Variants in NCOR2 observed in about 807,000 individuals in gnomAD.
The protein encoded by NCOR2 is CTG repeat protein 26.
In NCOR2, 81 loss-of-function variants were observed where a neutral mutation model predicts 262.9. The observed-to-expected ratio is 0.31, with a 90% CI of 0.26 to 0.37. The LOEUF (loss-of-function observed/expected upper bound fraction) is 0.37, where lower values mean the gene tolerates loss of function less well. Ranked by LOEUF, NCOR2 falls within the 10% of genes least tolerant of loss-of-function variation. The pLI, the probability that NCOR2 is intolerant of heterozygous loss-of-function variation, is 1.00. For synonymous variants in NCOR2, 1,659 were observed against 1,559.3 expected, an observed-to-expected ratio of 1.06 and a Z score of -1.51; for missense variants, 3,385 against 3,621.4, an observed-to-expected ratio of 0.93 and a Z score of 1.68.
chr12:124,543,871 C>G (rs983681347), intron 1 of NCOR2, among the ~76,000 whole-genome samples: 1 of 152,228 alleles, frequency 6.6e-6, no homozygotes, highest in African/African-American at 2.4e-5. Context: ...TCACAGGCAC[C>G]GACAGCCCCT....
At chr12:124,424,979 G>C (rs368409030) in intron 11 of NCOR2, among the ~76,000 whole-genome samples, 1 of 152,194 alleles carries the variant, frequency 6.6e-6, no homozygotes, top group East Asian at 1.9e-4. Context: ...AGCCCTCTAC[G>C]TGCAAGTGAT....
intron 14 of NCOR2, among the ~76,000 whole-genome samples, 161 bp downstream of exon 16, chr12:124,402,243 G>A (rs534512830): frequency 3.9e-5 from 6 of 152,204 alleles, no homozygotes; most frequent in South Asian, 4.1e-4. Context: ...GTGGGCTTCC[G>A]GAAGGGGGGC....
At position 124,467,051 on chromosome 12, in the gene NCOR2, G is replaced by C. The variant is rs569675334; in HGVS notation, c.592-765C>G. On this transcript the variant is annotated intron_variant, in intron 4 of 46. Coordinates refer to ENST00000405201, the Ensembl canonical transcript of NCOR2. ...TCATCCTCATCCTCACTACCCCCAT[G>C]ATCCTCATCCTCATCACCCCCATCA... Among the ~76,000 whole-genome samples, 493 of 52,112 alleles carry C rather than the reference G, an allele frequency of 9.5e-3. 1 individual carries two copies. Among genetic ancestry groups the C allele is most frequent in the African/African-American group, 0.025 (326 of 12,946 alleles). The allele number at this position is 52,112 out of a possible 152,430, so 34.2% of individuals were successfully genotyped here. A position where few individuals can be genotyped will look rare whatever the true frequency, so the allele number is the denominator to read the frequency against.
exon 47 of NCOR2, chr12:124,325,382 C>G (rs916021882): frequency 7.3e-6 from 3 of 412,978 alleles, no homozygotes; most frequent in African/African-American, 2.8e-5. Context: ...ACACCGCCCC[C>G]CCCCCCGCCC....
chr12:124,498,061 C>T (rs1309917535), upstream of NCOR2, among the ~76,000 whole-genome samples: 2 of 152,154 alleles, frequency 1.3e-5, no homozygotes, highest in Non-Finnish European at 2.9e-5. Flanking sequence ...TAAACAGTTC[C>T]CGGTCTCTCG....
intron 7 of NCOR2, among the ~76,000 whole-genome samples, chr12:124,444,301 C>T (rs1387645758): frequency 2.0e-5 from 3 of 152,092 alleles, no homozygotes; most frequent in Non-Finnish European, 4.4e-5. Context: ...TCATGGGGTG[C>T]AAAGAAGTCA....
Position 124,378,468 on chromosome 12 carries a change from GT to G in NCOR2, c.2020-85del, listed in dbSNP as rs1190615105. 13 of 1,388,298 alleles carry G rather than the reference GT, an allele frequency of 9.4e-6. No individual in the cohort carries two copies. Among genetic ancestry groups the G allele is most frequent in the Middle Eastern group, 2.4e-4 (1 of 4,158 alleles). 86.0% of individuals were successfully genotyped at this position (1,388,298 alleles called of 1,614,324 possible). ...CCCCATGCCTGGGGCCTCGCCGCAG[GT>G]GCAAAGGGCAGTGATCCCGGCCATG... On this transcript the variant is annotated intron_variant, in intron 17 of 46. Coordinates refer to ENST00000405201, the Ensembl canonical transcript of NCOR2. This position sits in a 1 kb window ranked among gnomAD's most constrained non-coding sequence, Gnocchi z 4.2.
In NCOR2 at chr12:124,519,814, G is replaced by A. The variant is rs936384043; in HGVS notation, c.-118+15751C>T. On this transcript the variant is annotated intron_variant, in intron 1 of 46. Coordinates refer to the NCOR2 transcript ENST00000404621. ...GTTCACCAGCTGGCCTCACACCACC[G>A]CGGCATAGGCAGGTATGCCCCTGAG... is the stretch of plus-strand genomic sequence containing the variant. Among the ~76,000 whole-genome samples the A allele has an allele frequency of 4.6e-5, 7 of 152,142 alleles. No homozygotes were observed. The South Asian group carries it at 1.2e-3, about 27-fold the overall frequency.
At chr12:124,536,841 G>A (rs186074755), upstream of NCOR2, among the ~76,000 whole-genome samples, 38 of 152,252 alleles carry the variant, frequency 2.5e-4, no homozygotes, top group East Asian at 9.7e-4. Flanking sequence ...ACACAGACTC[G>A]CGCACAAATG....
intron 16 of NCOR2, among the ~76,000 whole-genome samples, chr12:124,390,463 C>G (rs559041649): frequency 6.0e-5 from 9 of 149,914 alleles, no homozygotes; most frequent in Admixed American, 1.3e-4. Context: ...CTTCCTTGCC[C>G]GCCCCTCCAA....
At chr12:124,411,787 A>G (rs2136245103) in intron 13 of NCOR2, among the ~76,000 whole-genome samples, 1 of 152,338 alleles carries the variant, frequency 6.6e-6, no homozygotes, top group South Asian at 2.1e-4. Flanking sequence ...CTCGGAGCCC[A>G]AGAGAGGATG....
intron 13 of NCOR2, among the ~76,000 whole-genome samples, chr12:124,411,559 G>A (rs1441345770): frequency 6.6e-6 from 1 of 152,216 alleles, no homozygotes; most frequent in Non-Finnish European, 1.5e-5. Flanking sequence ...GCTACCAGGG[G>A]CCGGGCCCTG....
chr12:124,417,259 G>GAC (rs2042956102), intron 13 of NCOR2, among the ~76,000 whole-genome samples: 9 of 151,062 alleles, frequency 6.0e-5, no homozygotes, highest in East Asian at 2.0e-4. Flanking sequence ...TCACTCCACG[G>GAC]AGAGCAGGCC....
chr12:124,423,756 CTGT>C (rs1451739805), intron 11 of NCOR2, among the ~76,000 whole-genome samples: 1 of 152,240 alleles, frequency 6.6e-6, no homozygotes, highest in Non-Finnish European at 1.5e-5. Context: ...CCTAGGTCCC[CTGT>C]TCCCCTCCCT....
chr12:124,391,269 C>T (rs1034024137), intron 16 of NCOR2, among the ~76,000 whole-genome samples: 6 of 152,180 alleles, frequency 3.9e-5, no homozygotes, highest in African/African-American at 1.4e-4. Context: ...GAAACACACT[C>T]GCTCTCCCCA....
rs150627782 is a variant in NCOR2, at chr12:124,482,989, T to C, written c.411+607A>G. ...TGAGCCAACTCTGTCTCATCTCACT[T>C]TGCGGGACTCTGGAGTCTCCCCTCC... On this transcript the variant is annotated intron_variant, in intron 3 of 46. Coordinates refer to ENST00000405201, the Ensembl canonical transcript of NCOR2. This position sits in a 1 kb window ranked among gnomAD's most constrained non-coding sequence, Gnocchi z 6.3. Among the ~76,000 whole-genome samples the C allele has an allele frequency of 4.4e-4, 67 of 152,214 alleles. 2 individuals carry two copies. In the East Asian group the frequency reaches 0.013, roughly 30 times the overall value.
intron 1 of NCOR2, chr12:124,513,739 G>A (rs1266349507): frequency 6.6e-6 from 1 of 152,224 alleles, no homozygotes; most frequent in Non-Finnish European, 1.5e-5. Flanking sequence ...CAACACACAA[G>A]GCTGAGGCTG....
rs1008557026 is a variant in NCOR2, at chr12:124,483,859, T to G, written c.234-86A>C. On this transcript the variant is annotated intron_variant, in intron 2 of 46. Transcript: ENST00000405201. The surrounding 1 kb of genome is among the most constrained non-coding windows in gnomAD (Gnocchi z 6.3). Reference sequence around the variant, plus strand: ...CCCCGACCACCCTCTGCGCCGAGCATCTACTGCGCGCCGTGCTCTGTATGA... The same window carrying G: ...CCCCGACCACCCTCTGCGCCGAGCAGCTACTGCGCGCCGTGCTCTGTATGA... 1 of 1,401,398 alleles carries G rather than the reference T, an allele frequency of 7.1e-7. No homozygotes were observed. The highest frequency in any genetic ancestry group is 1.5e-5 in the African/African-American group (1 of 68,794). 86.8% of individuals were successfully genotyped at this position (1,401,398 alleles called of 1,614,324 possible).
Position 124,336,620 on chromosome 12 carries a change from T to C in NCOR2, c.6115+133A>G, listed in dbSNP as rs574902655. On this transcript the variant is annotated intron_variant, in intron 38 of 46. Transcript: ENST00000405201. ...TCTTTGGACCACGAGACGGGGTGGG[T>C]GCGGGCCGGAAGTCTTACCATCGCG... 7.4e-4 allele frequency: 1,099 copies of C among 1,485,294 alleles called. 1 individual carries two copies. The highest frequency in any genetic ancestry group is 8.9e-4 in the Non-Finnish European group (1,002 of 1,120,352). 92.0% of individuals were successfully genotyped at this position (1,485,294 alleles called of 1,614,324 possible). A position where few individuals can be genotyped will look rare whatever the true frequency, so the allele number is the denominator to read the frequency against.
Sources: allele counts gnomAD v4.1 joint callset (sites outside exome capture counted in the v4.1 genomes callset), GRCh38; gene constraint gnomAD v4.1.1; non-coding constraint Gnocchi (gnomAD v3.1); transcripts MANE v1.5; gene names NCBI Gene and HGNC (gene_info 2026-07-23, HGNC 2026-07-21).